Variants in ATOH8 observed in about 807,000 individuals in gnomAD.
ATOH8 encodes transcription factor ATOH8.
In ATOH8, 9 loss-of-function variants were observed where a neutral mutation model predicts 21.2. That is an observed-to-expected ratio of 0.42 (90% CI 0.26 to 0.74). The LOEUF (loss-of-function observed/expected upper bound fraction) is 0.74, where lower values mean the gene tolerates loss of function less well. ATOH8 is among the 30% of genes least tolerant of loss of function. The pLI is 0.24. For synonymous variants in ATOH8, 253 were observed against 224.0 expected (o/e 1.13, Z -1.16); for missense variants, 524 against 470.9 (o/e 1.11, Z -1.04).
chr2:85,765,330 G>A (rs540285803), intron 2 of ATOH8, among the ~76,000 whole-genome samples: 2 of 152,298 alleles, frequency 1.3e-5, no homozygotes, highest in Non-Finnish European at 2.9e-5. Flanking sequence ...TGGGTTCTCC[G>A]GGTTTCCCGG....
intron 2 of ATOH8, among the ~76,000 whole-genome samples, chr2:85,777,807 G>T (rs1680367289): frequency 6.6e-6 from 1 of 152,180 alleles, no homozygotes; most frequent in Non-Finnish European, 1.5e-5. Flanking sequence ...GCCTGGCGTG[G>T]TCTAAACGCT....
At chr2:85,755,617 A>AT (rs886952955) in intron 1 of ATOH8, among the ~76,000 whole-genome samples, 1 of 152,004 alleles carries the variant, frequency 6.6e-6, no homozygotes, top group Non-Finnish European at 1.5e-5. Flanking sequence ...TAGGTTGGGG[A>AT]TTCCCTCTGG....
chr2:85,764,789 A>T (rs1372355598), intron 2 of ATOH8, among the ~76,000 whole-genome samples: 6 of 152,152 alleles, frequency 3.9e-5, no homozygotes, highest in Admixed American at 6.5e-5. Flanking sequence ...TTGTAAGTAG[A>T]TGAGGGCAGG....
intron 2 of ATOH8, chr2:85,774,011 G>T (rs1680262344): frequency 9.1e-6 from 8 of 875,192 alleles, no homozygotes; most frequent in Non-Finnish European, 1.1e-5. Flanking sequence ...GGGTGCTCAA[G>T]TGTTTTAACC....
chr2:85,768,658 G>A (rs1457134464), intron 2 of ATOH8, among the ~76,000 whole-genome samples: 2 of 152,156 alleles, frequency 1.3e-5, no homozygotes, highest in African/African-American at 2.4e-5. Flanking sequence ...CTCGCACCCC[G>A]AGGAGCTGCA....
chr2:85,770,301 C>T (rs569624443), intron 2 of ATOH8, among the ~76,000 whole-genome samples: 4 of 152,308 alleles, frequency 2.6e-5, no homozygotes, highest in South Asian at 2.1e-4. Context: ...CCAGCTCCTA[C>T]TGCTTCCCTG....
chr2:85,786,864 A>G (rs1465499311), intron 2 of ATOH8, 21 bp from the exon 3 acceptor site: 1 of 1,613,910 alleles, frequency 6.2e-7, no homozygotes, highest in South Asian at 1.1e-5. Context: ...GCAGCTTTTA[A>G]TGGCTGGTCA....
chr2:85,761,411 C>G (rs978318444), intron 1 of ATOH8, among the ~76,000 whole-genome samples: 32 of 152,174 alleles, frequency 2.1e-4, no homozygotes, highest in Admixed American at 3.3e-4. Context: ...AGATCTGGAG[C>G]TTGATAGAAA....
chr2:85,755,265 G>C (rs938070343), intron 1 of ATOH8, among the ~76,000 whole-genome samples: 1 of 152,240 alleles, frequency 6.6e-6, no homozygotes, highest in Non-Finnish European at 1.5e-5. Context: ...TTGCCTGCCG[G>C]AGTCCCCTGG....
intron 2 of ATOH8, among the ~76,000 whole-genome samples, chr2:85,779,306 G>T (rs564139190): frequency 6.6e-6 from 1 of 152,272 alleles, no homozygotes; most frequent in Non-Finnish European, 1.5e-5. Context: ...AGCTGGGGTG[G>T]GGGGCAAGAA....
Position 85,754,713 on chromosome 2 carries a change from C to G in ATOH8, c.524C>G (p.Pro175Arg), listed in dbSNP as rs755222197. ...PSAPPAPPAP[P>R]ESTVRPAPPT... ...GCACCCCCAGCACCGCCAGCGCCCC[C>G]GGAGTCCACTGTGCGCCCTGCGCCC... Residue 175 changes from proline to arginine, a missense_variant, in exon 1 of 3, where the codon CCG becomes CGG. Physicochemically the swap from Pro to Arg is moderately radical, Grantham distance 103 (BLOSUM62 -2). Transcript: ENST00000306279. 4 of 1,611,114 alleles carry G rather than the reference C, an allele frequency of 2.5e-6. No homozygotes were observed. Among genetic ancestry groups the G allele is most frequent in the Non-Finnish European group, 2.5e-6 (3 of 1,179,110 alleles).
chr2:85,782,224 G>A (rs1165563760), intron 2 of ATOH8, among the ~76,000 whole-genome samples: 1 of 152,118 alleles, frequency 6.6e-6, no homozygotes, highest in Non-Finnish European at 1.5e-5. Flanking sequence ...CCCCATTGGA[G>A]GTTTATTCCT....
intron 2 of ATOH8, among the ~76,000 whole-genome samples, chr2:85,783,288 G>A (rs1229271650): frequency 6.6e-6 from 1 of 152,134 alleles, no homozygotes; most frequent in Non-Finnish European, 1.5e-5. Flanking sequence ...GGACATCTTC[G>A]GATGGGCACG....
In ATOH8 at chr2:85,788,560, A is replaced by G. The variant is rs1289036479; in HGVS notation, c.*1670A>G. Reference sequence around the variant, plus strand: ...CCTCAGCGGGCCTAAGGTAGGGACAATAAAGGCCCATTGGGACTGGGGGAA... The same window carrying G: ...CCTCAGCGGGCCTAAGGTAGGGACAGTAAAGGCCCATTGGGACTGGGGGAA... On this transcript the variant is annotated 3_prime_UTR_variant, in exon 3 of 3. Transcript: ENST00000306279. Among the ~76,000 whole-genome samples the G allele has an allele frequency of 1.3e-5, 2 of 152,188 alleles. No individual in the cohort carries two copies. Among genetic ancestry groups the G allele is most frequent in the African/African-American group, 4.8e-5 (2 of 41,438 alleles).
At chr2:85,777,228 C>A (rs908449754) in intron 2 of ATOH8, among the ~76,000 whole-genome samples, 3 of 152,078 alleles carry the variant, frequency 2.0e-5, no homozygotes, top group African/African-American at 7.2e-5. Context: ...AGAGGAGGGC[C>A]CCTCGGTATG....
intron 2 of ATOH8, among the ~76,000 whole-genome samples, chr2:85,776,123 A>C (rs572034673): frequency 7.5e-4 from 114 of 152,302 alleles, no homozygotes; most frequent in South Asian, 3.1e-3. Context: ...CCACATTATT[A>C]AACATGGGAG....
intron 1 of ATOH8, among the ~76,000 whole-genome samples, chr2:85,763,528 C>T (rs1447784856): frequency 3.9e-5 from 6 of 152,154 alleles, no homozygotes; most frequent in East Asian, 1.9e-4. Context: ...TAACCTCACT[C>T]GAGTGTAAGT....
At position 85,787,615 on chromosome 2, in the gene ATOH8, C is replaced by G. The variant is rs759280304; in HGVS notation, c.*725C>G. On this transcript the variant is annotated 3_prime_UTR_variant, in exon 3 of 3. Coordinates refer to ENST00000306279, the MANE Select transcript of ATOH8 (RefSeq NM_032827.7). ...AGAAGGGAGTAAGCAGGGAGAGAAG[C>G]AATATTACTCCCTCCCCTACACCAG... 3.9e-5 allele frequency: 6 copies of G among 152,714 alleles called. No individual in the cohort carries two copies. The highest frequency in any genetic ancestry group is 2.9e-5 in the Non-Finnish European group (2 of 68,118). 9.5% of individuals were successfully genotyped at this position (152,714 alleles called of 1,614,324 possible).
At chr2:85,761,402 G>C (rs2104501933) in intron 1 of ATOH8, among the ~76,000 whole-genome samples, 1 of 152,308 alleles carries the variant, frequency 6.6e-6, no homozygotes, top group South Asian at 2.1e-4. Context: ...CTTCTTGTTA[G>C]ATCTGGAGCT....
Sources: gnomAD v4.1 joint callset for allele counts (sites outside exome capture counted in the v4.1 genomes callset) on GRCh38, gnomAD v4.1.1 for gene constraint, MANE v1.5 for transcripts, NCBI Gene and HGNC (gene_info 2026-07-23, HGNC 2026-07-21) for gene names.